The following RNF138 variants were observed in gnomAD, a reference collection of about 807,000 sequenced individuals.
RNF138 encodes the protein ring finger protein 138, also known as E3 ubiquitin-protein ligase RNF138.
In RNF138, 12 loss-of-function variants were observed where a neutral mutation model predicts 31.0. The observed-to-expected ratio is 0.39, with a 90% CI of 0.25 to 0.63. The LOEUF (loss-of-function observed/expected upper bound fraction) is 0.63, where lower values mean the gene tolerates loss of function less well. Among genes scored for constraint, RNF138 ranks in the 20% least tolerant of loss-of-function variants. RNF138 has a pLI of 0.52. For missense variants in RNF138, 192 were observed against 300.1 expected (o/e 0.64, Z 2.66); for synonymous variants, 105 against 99.5 (o/e 1.06, Z -0.33).
intron 4 of RNF138, chr18:32,122,502 A>G (rs1214972637): frequency 1.3e-5 from 2 of 152,122 alleles, no homozygotes; most frequent in African/African-American, 4.8e-5. Context: ...TAAGATTTCT[A>G]CTATTGAAAG....
intron 2 of RNF138, among the ~76,000 whole-genome samples, chr18:32,110,659 T>C (rs7234604): frequency 0.082 from 12,543 of 152,272 alleles, 661 homozygotes; most frequent in African/African-American, 0.14. Flanking sequence ...ATCCCAGATA[T>C]ATATGTCTGT....
chr18:32,103,397 T>C lies in RNF138; in HGVS notation c.111-8357T>C, dbSNP rs187327316. The stretch of plus-strand genomic sequence containing the variant: ...TAGAGGTGGGGAAATCTCACTATGT[T>C]GCCCAGGCTGGTCTTGAACTCCTAG... On this transcript the variant is annotated intron_variant, in intron 2 of 7. Coordinates refer to ENST00000261593, the MANE Select transcript of RNF138 (RefSeq NM_016271.5). Among the ~76,000 whole-genome samples the C allele has an allele frequency of 1.2e-4, 18 of 152,166 alleles. 1 individual carries two copies. In the East Asian group the frequency reaches 2.9e-3, roughly 25 times the overall value.
intron 2 of RNF138, among the ~76,000 whole-genome samples, chr18:32,108,206 A>G (rs1215698064): frequency 6.6e-6 from 1 of 152,172 alleles, no homozygotes; most frequent in Admixed American, 6.5e-5. Context: ...TCCCTATCAC[A>G]GATATCCAGC....
At chr18:32,115,150 G>A (rs2040194535) in intron 4 of RNF138, among the ~76,000 whole-genome samples, 1 of 152,072 alleles carries the variant, frequency 6.6e-6, no homozygotes, top group Admixed American at 6.6e-5. Flanking sequence ...GTCTTGTTGA[G>A]CATATCTCCA....
intron 2 of RNF138, among the ~76,000 whole-genome samples, chr18:32,107,198 GC>G (rs1210359393): frequency 1.5e-5 from 2 of 133,520 alleles, no homozygotes; most frequent in Non-Finnish European, 3.0e-5. Context: ...TCGGCTCCCT[GC>G]AACCTCTGCC....
chr18:32,100,201 GATATAT>G lies in RNF138; in HGVS notation c.110+7331_110+7336del, dbSNP rs34225221. 1.4e-4 allele frequency among the ~76,000 whole-genome samples: 21 copies of G among 146,610 alleles called. No individual in the cohort carries two copies. In the East Asian group the frequency reaches 3.2e-3, roughly 22 times the overall value. On this transcript the variant is annotated intron_variant, in intron 2 of 7. Transcript: ENST00000261593. The stretch of plus-strand genomic sequence containing the variant: ...CTTGGAGCTGGGTGTTAGTGATTGA[GATATAT>G]ATATATATATATATAAAATCTTTGG...
At position 32,092,681 on chromosome 18, in the gene RNF138, C is replaced by T; in HGVS notation, c.-77-19C>T. 1.4e-6 allele frequency: 1 copy of T among 727,210 alleles called. No homozygotes were observed. Among genetic ancestry groups the T allele is most frequent in the Non-Finnish European group, 2.4e-6 (1 of 413,050 alleles). The allele number at this position is 727,210 out of a possible 1,614,324, so 45.0% of individuals were successfully genotyped here. ...CTGTATCCTGATGCGATCCCCCTCC[C>T]CCCTCCGGGTTCATGTAGGGAGTCG... On this transcript the variant is annotated intron_variant, in intron 1 of 7. Transcript: ENST00000261593.
chr18:32,099,657 C>T (rs139815124), intron 2 of RNF138, among the ~76,000 whole-genome samples: 221 of 152,286 alleles, frequency 1.5e-3, no homozygotes, highest in African/African-American at 5.0e-3. Flanking sequence ...TGCCCCGCCT[C>T]GGCCTCCCAA....
chr18:32,108,036 G>A (rs2040065504), intron 2 of RNF138, among the ~76,000 whole-genome samples: 1 of 151,440 alleles, frequency 6.6e-6, no homozygotes, highest in South Asian at 2.1e-4. Context: ...TGTATTTTTA[G>A]TATAGATGGA....
chr18:32,095,586 A>G (rs2039790449), intron 2 of RNF138, among the ~76,000 whole-genome samples: 1 of 152,152 alleles, frequency 6.6e-6, no homozygotes, highest in Non-Finnish European at 1.5e-5. Context: ...TTGATTCACG[A>G]ATAGAGAGTT....
chr18:32,101,843 T>C (rs2039945900), intron 2 of RNF138, among the ~76,000 whole-genome samples: 2 of 152,156 alleles, frequency 1.3e-5, no homozygotes, highest in South Asian at 4.1e-4. Flanking sequence ...TGTATTTCTT[T>C]AGTTGCTAGC....
chr18:32,110,074 C>T (rs957497153), intron 2 of RNF138, among the ~76,000 whole-genome samples: 2 of 152,112 alleles, frequency 1.3e-5, no homozygotes, highest in African/African-American at 4.8e-5. Context: ...ACAGCTTCAA[C>T]CTCCTGGGCT....
At position 32,130,375 on chromosome 18, in the gene RNF138, GAGAA is replaced by G. The variant is rs1321742365; in HGVS notation, c.*1192_*1195del. On this transcript the variant is annotated 3_prime_UTR_variant, in exon 8 of 8. Transcript: ENST00000261593. Reference sequence around the variant, plus strand: ...ATATAATGTGTGACCGTGATATAGTGAGAAAGATTCTACCAACCACTGTTTCACT... The same window carrying G: ...ATATAATGTGTGACCGTGATATAGTGAGATTCTACCAACCACTGTTTCACT... The G allele has an allele frequency of 6.6e-6, 1 of 152,342 alleles. No homozygotes were observed. The highest frequency in any genetic ancestry group is 2.4e-5 in the African/African-American group (1 of 41,418). The allele number at this position is 152,342 out of a possible 1,614,324, so 9.4% of individuals were successfully genotyped here.
At chr18:32,096,808 C>T (rs1051855531) in intron 2 of RNF138, among the ~76,000 whole-genome samples, 3 of 152,080 alleles carry the variant, frequency 2.0e-5, no homozygotes, top group Non-Finnish European at 4.4e-5. Context: ...CTTACTGCAG[C>T]CTCGACCTCC....
At chr18:32,100,533 T>A (rs1347078759) in intron 2 of RNF138, among the ~76,000 whole-genome samples, 1 of 134,506 alleles carries the variant, frequency 7.4e-6, no homozygotes, top group African/African-American at 2.7e-5. Flanking sequence ...TGGAGTGCAA[T>A]GGCGCGATCT....
intron 4 of RNF138, among the ~76,000 whole-genome samples, chr18:32,119,787 C>T (rs999975161): frequency 1.3e-5 from 2 of 152,164 alleles, no homozygotes; most frequent in Non-Finnish European, 2.9e-5. Context: ...TGTTTTATAT[C>T]TTTTTCTAGT....
At chr18:32,092,525 G>A in intron 1 of RNF138, 175 bp from the exon 2 acceptor site, 1 of 485,162 alleles carries the variant, frequency 2.1e-6, no homozygotes, top group Non-Finnish European at 3.7e-6. Flanking sequence ...CTCCCGCCAA[G>A]CACCGTCCCC....
At chr18:32,103,918 T>C (rs1003580846) in intron 2 of RNF138, among the ~76,000 whole-genome samples, 3 of 151,598 alleles carry the variant, frequency 2.0e-5, no homozygotes, top group African/African-American at 7.3e-5. Context: ...TGAGCTGAGA[T>C]TGCGCCACTG....
chr18:32,095,572 A>G (rs1331022678), intron 2 of RNF138, among the ~76,000 whole-genome samples: 2 of 152,144 alleles, frequency 1.3e-5, no homozygotes, highest in Non-Finnish European at 2.9e-5. Flanking sequence ...TGCAAAATCA[A>G]TTTTTGATTC....
Sources: gnomAD v4.1 joint callset for allele counts (sites outside exome capture counted in the v4.1 genomes callset) on GRCh38, gnomAD v4.1.1 for gene constraint, MANE v1.5 for transcripts, NCBI Gene and HGNC (gene_info 2026-07-23, HGNC 2026-07-21) for gene names.